Variants in GNAO1 observed in about 807,000 individuals in gnomAD.
GNAO1 encodes guanine nucleotide-binding protein G(o) subunit alpha.
For synonymous variants in GNAO1, 164 were observed against 180.7 expected (o/e 0.91, Z 0.74); for missense variants, 166 against 478.7 (o/e 0.35, Z 6.10).
chr16:56,290,436 T>C (rs1338143018), intron 3 of GNAO1, among the ~76,000 whole-genome samples: 1 of 152,198 alleles, frequency 6.6e-6, no homozygotes, highest in African/African-American at 2.4e-5. Flanking sequence ...GTAGAGCTGT[T>C]CTTGATCCCA....
At chr16:56,234,957 A>G in intron 2 of GNAO1, 1 of 233,420 alleles carries the variant, frequency 4.3e-6, no homozygotes, top group Non-Finnish European at 8.5e-6. Flanking sequence ...TGGCTAGTTA[A>G]TGTTCAGCCA....
At chr16:56,254,109 A>T (rs2036825164) in intron 2 of GNAO1, among the ~76,000 whole-genome samples, 1 of 152,180 alleles carries the variant, frequency 6.6e-6, no homozygotes, top group African/African-American at 2.4e-5. Flanking sequence ...TGTGAAATTT[A>T]TTAAGTTTAT....
In GNAO1 at chr16:56,192,149, C is replaced by A; in HGVS notation, c.-87C>A. On this transcript the variant is annotated 5_prime_UTR_variant, in exon 1 of 9. Transcript: ENST00000262493. Reference sequence around the variant, plus strand: ...GTGATTTTCCCCCCTTGAGCCCAGGCTCTGCTCTCTGGGGGGGTGGGGGGC... The same window carrying A: ...GTGATTTTCCCCCCTTGAGCCCAGGATCTGCTCTCTGGGGGGGTGGGGGGC... 1 of 738,872 alleles carries A rather than the reference C, an allele frequency of 1.4e-6. No individual in the cohort carries two copies. The highest frequency in any genetic ancestry group is 2.4e-6 in the Non-Finnish European group (1 of 420,632). The allele number at this position is 738,872 out of a possible 1,614,324, so 45.8% of individuals were successfully genotyped here. A position where few individuals can be genotyped will look rare whatever the true frequency, so the allele number is the denominator to read the frequency against.
intron 2 of GNAO1, among the ~76,000 whole-genome samples, chr16:56,200,764 T>C (rs1483777128): frequency 6.6e-6 from 1 of 152,194 alleles, no homozygotes. Flanking sequence ...GCCTAATTGG[T>C]GCTGAGTTCC....
At chr16:56,193,252 G>A (rs1298121661) in intron 2 of GNAO1, 1 of 153,164 alleles carries the variant, frequency 6.5e-6, no homozygotes, top group African/African-American at 2.4e-5. Context: ...CGTGTGCTAG[G>A]GGAAGGAGTG....
chr16:56,285,257 C>T (rs1448940023), intron 3 of GNAO1, among the ~76,000 whole-genome samples: 2 of 152,268 alleles, frequency 1.3e-5, no homozygotes, highest in East Asian at 1.9e-4. Context: ...CCCCGCCCCC[C>T]ACCGCCACCA....
At chr16:56,218,971 T>G (rs553060194) in intron 2 of GNAO1, among the ~76,000 whole-genome samples, 2 of 152,298 alleles carry the variant, frequency 1.3e-5, no homozygotes, top group South Asian at 4.1e-4. Context: ...CACACATTTT[T>G]TAAAATGTGA....
intron 2 of GNAO1, among the ~76,000 whole-genome samples, chr16:56,227,101 G>A (rs187385674): frequency 6.6e-6 from 1 of 151,204 alleles, no homozygotes; most frequent in Non-Finnish European, 1.5e-5. Flanking sequence ...AGGGGAAACT[G>A]TTTGTTTCAT....
chr16:56,276,054 T>C lies in GNAO1; in HGVS notation c.285T>C (p.Tyr95=), dbSNP rs1309191944. Residue 95 remains tyrosine (Y), a synonymous_variant, in exon 3 of 9, where the codon TAT becomes TAC. Coordinates refer to ENST00000262493, the MANE Select transcript of GNAO1 (RefSeq NM_020988.3). ...CCATGGACACTTTGGGCATCGAATA[T>C]GGTGATAAGGAGAGAAAGGTAGGCC... The part of the protein sequence containing the change: ...VRAMDTLGIE[Y]GDKERKADAK... The C allele has an allele frequency of 6.2e-7, 1 of 1,613,916 alleles. No individual in the cohort carries two copies. Among genetic ancestry groups the C allele is most frequent in the Non-Finnish European group, 8.5e-7 (1 of 1,179,920 alleles).
chr16:56,208,137 C>T (rs2036347300), intron 2 of GNAO1, among the ~76,000 whole-genome samples: 1 of 152,284 alleles, frequency 6.6e-6, no homozygotes, highest in East Asian at 1.9e-4. Context: ...TTCAGTATTA[C>T]ATTCATAATA....
intron 2 of GNAO1, among the ~76,000 whole-genome samples, chr16:56,250,120 G>A (rs551715971): frequency 5.9e-5 from 9 of 152,276 alleles, no homozygotes; most frequent in Non-Finnish European, 1.0e-4. Context: ...GTTCTAGGTG[G>A]GGAGAAAAGC....
chr16:56,335,400 T>C (rs1291213625), intron 5 of GNAO1, among the ~76,000 whole-genome samples: 4 of 152,164 alleles, frequency 2.6e-5, no homozygotes, highest in Non-Finnish European at 2.9e-5. Flanking sequence ...AGCAGGGGCC[T>C]GACGGGTGAG....
At chr16:56,210,284 G>A (rs2036374433) in intron 2 of GNAO1, among the ~76,000 whole-genome samples, 1 of 152,118 alleles carries the variant, frequency 6.6e-6, no homozygotes, top group Non-Finnish European at 1.5e-5. Context: ...CCACTGTCTG[G>A]ATATACCACA....
intron 2 of GNAO1, among the ~76,000 whole-genome samples, chr16:56,265,588 G>T (rs140178088): frequency 6.6e-6 from 1 of 152,202 alleles, no homozygotes; most frequent in Non-Finnish European, 1.5e-5. Context: ...CCTCCAGCTG[G>T]TGGGTTGATG....
intron 2 of GNAO1, among the ~76,000 whole-genome samples, chr16:56,208,764 A>T (rs1349940127): frequency 6.6e-6 from 1 of 152,188 alleles, no homozygotes; most frequent in African/African-American, 2.4e-5. Flanking sequence ...TTTATTGGAC[A>T]TTTGGATTTC....
intron 6 of GNAO1, chr16:56,347,949 C>T: frequency 1.0e-6 from 1 of 961,656 alleles, no homozygotes; most frequent in Non-Finnish European, 1.2e-6. Context: ...TCTTCCTCCC[C>T]ACGCACCCCC....
intron 2 of GNAO1, among the ~76,000 whole-genome samples, chr16:56,256,756 GTGTT>G (rs1440623826): frequency 2.2e-5 from 3 of 138,588 alleles, no homozygotes; most frequent in Admixed American, 7.2e-5. Context: ...GTGTGTGTGT[GTGTT>G]TGTCTTTTTT....
rs567937150 is a variant in GNAO1 at position 56,289,480 on chromosome 16, G to T, written c.303+13408G>T. On this transcript the variant is annotated intron_variant, in intron 3 of 8. Coordinates refer to ENST00000262493, the MANE Select transcript of GNAO1 (RefSeq NM_020988.3). ...CGGGGTGAAGACACTAAATCAGGCA[G>T]AAAAACACTGTCAAGTGTTAACACT... 1.8e-3 allele frequency among the ~76,000 whole-genome samples: 280 copies of T among 152,322 alleles called. 1 individual carries two copies. The highest frequency in any genetic ancestry group is 6.6e-3 in the African/African-American group (273 of 41,576).
intron 2 of GNAO1, among the ~76,000 whole-genome samples, chr16:56,227,087 G>A (rs2036538793): frequency 6.6e-6 from 1 of 152,116 alleles, no homozygotes; most frequent in African/African-American, 2.4e-5. Context: ...AGAGGAAGGT[G>A]GGGAGGGGAA....
Sources: allele counts gnomAD v4.1 joint callset (sites outside exome capture counted in the v4.1 genomes callset), GRCh38; gene constraint gnomAD v4.1.1; transcripts MANE v1.5; gene names NCBI Gene and HGNC (gene_info 2026-07-23, HGNC 2026-07-21).